Variants in ACTR3C observed in about 807,000 individuals in gnomAD.
The protein encoded by ACTR3C is actin related protein 3C.
ACTR3C carries 18 observed loss-of-function variants against 26.3 expected under a neutral mutation model. The ratio of observed to expected loss-of-function variants is 0.68; its 90% CI spans 0.47 to 1.01. The LOEUF is 1.01. ACTR3C is among the 50% of genes least tolerant of loss of function. The pLI, the probability that ACTR3C is intolerant of heterozygous loss-of-function variation, is 0.00. For synonymous variants in ACTR3C, 55 were observed against 94.5 expected (o/e 0.58, Z 2.42); for missense variants, 184 against 250.7 (o/e 0.73, Z 1.80).
the ACTR3C span, among the ~76,000 whole-genome samples, chr7:150,167,390 A>G: frequency 6.6e-6 from 1 of 150,776 alleles, no homozygotes; most frequent in South Asian, 2.1e-4. Context: ...GTCACTTTTG[A>G]TCTATTTCCT....
At chr7:149,935,974 A>C in the ACTR3C span, among the ~76,000 whole-genome samples, 1 of 151,960 alleles carries the variant, frequency 6.6e-6, no homozygotes. Context: ...AGTTATGCAC[A>C]GTCACCCCCA....
chr7:150,039,758 G>A, the ACTR3C span, among the ~76,000 whole-genome samples: 6 of 132,738 alleles, frequency 4.5e-5, no homozygotes, highest in Non-Finnish European at 5.0e-5. Flanking sequence ...CCCCTCCTGC[G>A]ATGGGGGTCC....
chr7:150,036,801 C>A, the ACTR3C span, among the ~76,000 whole-genome samples: 358 of 137,062 alleles, frequency 2.6e-3, 34 homozygotes, highest in East Asian at 1.0e-2. Context: ...GGACACCTAA[C>A]ACCCACAGTC....
the ACTR3C span, among the ~76,000 whole-genome samples, chr7:150,118,810 A>G: frequency 5.5e-5 from 8 of 145,692 alleles, no homozygotes; most frequent in African/African-American, 1.8e-4. Context: ...GAAATGAAGG[A>G]AAAAATGTTA....
chr7:149,924,000 T>TAA, the ACTR3C span, among the ~76,000 whole-genome samples: 209 of 142,674 alleles, frequency 1.5e-3, 2 homozygotes, highest in Admixed American at 0.012. Flanking sequence ...CAGTCTCAAT[T>TAA]AAAAAAAAAA....
chr7:150,134,276 C>T, the ACTR3C span, among the ~76,000 whole-genome samples: 1 of 148,632 alleles, frequency 6.7e-6, no homozygotes, highest in South Asian at 2.1e-4. Context: ...TGTTTAATTA[C>T]TTCCTTCTCT....
At chr7:149,995,364 T>C in the ACTR3C span, among the ~76,000 whole-genome samples, 1 of 152,186 alleles carries the variant, frequency 6.6e-6, no homozygotes, top group Admixed American at 6.5e-5. Context: ...TGTACTGATG[T>C]GTGCTGAAAG....
chr7:150,030,738 C>G, the ACTR3C span, among the ~76,000 whole-genome samples: 2 of 152,088 alleles, frequency 1.3e-5, no homozygotes, highest in African/African-American at 2.4e-5. Flanking sequence ...CTCAGGAGCC[C>G]CTTCCCACAC....
chr7:150,067,074 G>T, the ACTR3C span, among the ~76,000 whole-genome samples: 9,053 of 152,314 alleles, frequency 0.059, 345 homozygotes, highest in Middle Eastern at 0.092. Context: ...AGACAGAGAC[G>T]AAGGGACTCT....
At chr7:150,002,921 C>T in the ACTR3C span, 24,349 of 152,168 alleles carry the variant, frequency 0.16, 2,063 homozygotes, top group Admixed American at 0.2. Context: ...GGGAAGGACG[C>T]GTGGCGGGAT....
intron 6 of ACTR3C, among the ~76,000 whole-genome samples, chr7:150,252,553 G>A (rs575909983): frequency 2.0e-5 from 3 of 152,170 alleles, no homozygotes; most frequent in East Asian, 3.9e-4. Context: ...GAGACATTAC[G>A]GAAAGTAAAT....
the ACTR3C span, among the ~76,000 whole-genome samples, chr7:150,038,635 C>A: frequency 3.5e-5 from 5 of 143,820 alleles, 1 homozygote; most frequent in Non-Finnish European, 7.7e-5. Flanking sequence ...TGCGTTCGGA[C>A]CCGTCGGATC....
chr7:150,075,654 G>T, the ACTR3C span, among the ~76,000 whole-genome samples: 1 of 152,270 alleles, frequency 6.6e-6, no homozygotes, highest in East Asian at 1.9e-4. Context: ...GCAAGCCTGT[G>T]GGGATGGAGT....
chr7:149,991,743 G>GT, the ACTR3C span, among the ~76,000 whole-genome samples: 35 of 152,266 alleles, frequency 2.3e-4, no homozygotes, highest in African/African-American at 7.7e-4. Flanking sequence ...TTTTGGTTTT[G>GT]TTTTTTAGAC....
the ACTR3C span, among the ~76,000 whole-genome samples, chr7:150,155,443 A>T: frequency 7.9e-5 from 12 of 152,212 alleles, no homozygotes; most frequent in African/African-American, 2.7e-4. Context: ...TAGCCTGGGG[A>T]CAGGAGAGAG....
chr7:149,923,379 AC>A, the ACTR3C span, among the ~76,000 whole-genome samples: 1 of 152,202 alleles, frequency 6.6e-6, no homozygotes, highest in Non-Finnish European at 1.5e-5. Context: ...TTGGGTACAG[AC>A]AATTCAGAAA....
At chr7:150,240,032 G>C (rs138377664), downstream of ACTR3C, among the ~76,000 whole-genome samples, 167 of 152,268 alleles carry the variant, frequency 1.1e-3, 2 homozygotes, top group East Asian at 0.028. Context: ...TGGGATTATA[G>C]GCATGAGCCA....
chr7:150,062,544 A>T, the ACTR3C span, among the ~76,000 whole-genome samples: 1 of 151,408 alleles, frequency 6.6e-6, no homozygotes, highest in Non-Finnish European at 1.5e-5. Flanking sequence ...AGGCTATGAC[A>T]ACAAAAGTAA....
the ACTR3C span, among the ~76,000 whole-genome samples, chr7:149,931,170 G>A: frequency 1.3e-5 from 2 of 152,184 alleles, no homozygotes; most frequent in Non-Finnish European, 2.9e-5. Flanking sequence ...CCGGCCATAT[G>A]AAAACTTTTC....
Sources: allele counts gnomAD v4.1 joint callset (sites outside exome capture counted in the v4.1 genomes callset), GRCh38; gene constraint gnomAD v4.1.1; transcripts MANE v1.5; gene names NCBI Gene and HGNC (gene_info 2026-07-23, HGNC 2026-07-21).